Variants in CDH7 observed in about 807,000 individuals in gnomAD.
CDH7 encodes the protein cadherin-7.
In CDH7, 25 loss-of-function variants were observed where a neutral mutation model predicts 71.8. That is an observed-to-expected ratio of 0.35 (90% CI 0.25 to 0.49). The LOEUF (loss-of-function observed/expected upper bound fraction) is 0.49, where lower values mean the gene tolerates loss of function less well. Among genes scored for constraint, CDH7 ranks in the 20% least tolerant of loss-of-function variants. The probability of loss-of-function intolerance (pLI) is 0.99; values close to 1 mark genes in which losing one functional copy is unlikely to be tolerated. For missense variants in CDH7, 862 were observed against 974.6 expected, an observed-to-expected ratio of 0.88 and a Z score of 1.54; for synonymous variants, 381 against 363.8, an observed-to-expected ratio of 1.05 and a Z score of -0.54.
chr18:65,865,988 A>T (rs1599062333), intron 11 of CDH7: 1 of 152,088 alleles, frequency 6.6e-6, no homozygotes, highest in African/African-American at 2.4e-5. Context: ...AAGAACTTGA[A>T]AATCAAGTTC....
rs1159519633 is a variant in CDH7, at chr18:65,887,664, G to A, written c.*6770G>A. 5 of 152,060 alleles carry A rather than the reference G, an allele frequency of 3.3e-5. No homozygotes were observed. Among genetic ancestry groups the A allele is most frequent in the Non-Finnish European group, 5.9e-5 (4 of 68,014 alleles). The allele number at this position is 152,060 out of a possible 1,614,324, so 9.4% of individuals were successfully genotyped here. On this transcript the variant is annotated 3_prime_UTR_variant, in exon 12 of 12. Transcript: ENST00000397968. ...TGCAGGAACACACACAATTTGAGGC[G>A]AAATGTTGAAGTAAAGTAAATGACT...
chr18:65,854,392 A>G (rs75383405), intron 7 of CDH7, among the ~76,000 whole-genome samples: 8,120 of 152,250 alleles, frequency 0.053, 283 homozygotes, highest in South Asian at 0.14. Context: ...TTTGTTGCCC[A>G]TGTTTTTTCA....
chr18:65,805,589 C>T (rs1911286807), intron 2 of CDH7, among the ~76,000 whole-genome samples: 1 of 152,178 alleles, frequency 6.6e-6, no homozygotes, highest in Non-Finnish European at 1.5e-5. Flanking sequence ...GAGTTGAATT[C>T]TCAGCAAAGA....
At chr18:65,858,389 TGCATATTTGC>T (rs1913440354) in intron 8 of CDH7, among the ~76,000 whole-genome samples, 1 of 151,986 alleles carries the variant, frequency 6.6e-6, no homozygotes, top group East Asian at 1.9e-4. Flanking sequence ...GAAAAATGAA[TGCATATTTGC>T]ATGCATATAT....
intron 9 of CDH7, 129 bp downstream of exon 9, chr18:65,859,175 T>A (rs1913472768): frequency 1.2e-6 from 1 of 811,656 alleles, no homozygotes; most frequent in Non-Finnish European, 2.0e-6. Flanking sequence ...AACTAACACT[T>A]TGATGTGTAG....
intron 7 of CDH7, among the ~76,000 whole-genome samples, chr18:65,854,940 C>T (rs1947998): frequency 4.2e-4 from 26 of 61,958 alleles, no homozygotes; most frequent in African/African-American, 7.7e-4. Context: ...TATACACACA[C>T]ATATATATAC....
chr18:65,836,710 A>G (rs1419309147), intron 6 of CDH7, among the ~76,000 whole-genome samples: 1 of 151,954 alleles, frequency 6.6e-6, no homozygotes, highest in Admixed American at 6.6e-5. Context: ...AATGACTGTC[A>G]TAAAAGTATA....
In CDH7 at chr18:65,811,966, C is replaced by CTTTTTTTTTTTTT. The variant is rs57594274; in HGVS notation, c.505+1975_505+1987dup. On this transcript the variant is annotated intron_variant, in intron 3 of 11. Coordinates refer to ENST00000397968, the MANE Select transcript of CDH7 (RefSeq NM_004361.5). The stretch of plus-strand genomic sequence containing the variant: ...ATCACAGTACCTTTTCTTTTCTTTT[C>CTTTTTTTTTTTTT]TTTTTTTTTTTTTTTTTTTGCGAGA... Among the ~76,000 whole-genome samples, 406 of 95,826 alleles carry CTTTTTTTTTTTTT rather than the reference C, an allele frequency of 4.2e-3. 5 individuals are homozygous for CTTTTTTTTTTTTT. The highest frequency in any genetic ancestry group is 0.018 in the Middle Eastern group (2 of 114). 62.9% of individuals were successfully genotyped at this position (95,826 alleles called of 152,430 possible). A position where few individuals can be genotyped will look rare whatever the true frequency, so the allele number is the denominator to read the frequency against.
At chr18:65,766,641 C>T (rs1331670876) in intron 2 of CDH7, among the ~76,000 whole-genome samples, 3 of 151,830 alleles carry the variant, frequency 2.0e-5, no homozygotes, top group Non-Finnish European at 2.9e-5. Context: ...ATAATAGTGC[C>T]CCTTTCCTTA....
intron 6 of CDH7, among the ~76,000 whole-genome samples, chr18:65,825,536 A>T (rs1302182559): frequency 6.6e-6 from 1 of 151,872 alleles, no homozygotes; most frequent in African/African-American, 2.4e-5. Context: ...AAAAATAATA[A>T]CTCAAAAGCT....
intron 1 of CDH7, among the ~76,000 whole-genome samples, chr18:65,758,761 G>A (rs1237195291): frequency 6.6e-6 from 1 of 152,168 alleles, no homozygotes; most frequent in African/African-American, 2.4e-5. Context: ...ACTTACCAAG[G>A]AATTTGTATC....
At chr18:65,781,140 A>C (rs1056900673) in intron 2 of CDH7, among the ~76,000 whole-genome samples, 10 of 152,074 alleles carry the variant, frequency 6.6e-5, no homozygotes, top group African/African-American at 2.4e-4. Context: ...TTTAGGAGAA[A>C]CATCTGGCAG....
In CDH7 at chr18:65,880,279, C is replaced by T. The variant is rs1458448452; in HGVS notation, c.1865-122C>T. 4 of 983,320 alleles carry T rather than the reference C, an allele frequency of 4.1e-6. No individual in the cohort carries two copies. In the African/African-American group the frequency reaches 6.5e-5, roughly 16 times the overall value. The allele number at this position is 983,320 out of a possible 1,614,324, so 60.9% of individuals were successfully genotyped here. A position where few individuals can be genotyped will look rare whatever the true frequency, so the allele number is the denominator to read the frequency against. ...TGTGAATCCTTGTGGAAGTAGGTGG[C>T]CAATTCATTTCTCTTTAAAGGGAAG... On this transcript the variant is annotated intron_variant, in intron 11 of 11. Coordinates refer to ENST00000397968, the MANE Select transcript of CDH7 (RefSeq NM_004361.5).
chr18:65,878,615 T>A (rs1181135940), intron 11 of CDH7, among the ~76,000 whole-genome samples: 1 of 152,138 alleles, frequency 6.6e-6, no homozygotes, highest in Non-Finnish European at 1.5e-5. Flanking sequence ...CAGAAAGATA[T>A]ACAAGCAGTA....
intron 2 of CDH7, among the ~76,000 whole-genome samples, chr18:65,781,934 C>T (rs1280057189): frequency 4.2e-5 from 5 of 117,756 alleles, no homozygotes; most frequent in African/African-American, 1.8e-4. Context: ...CTCTCTCTCT[C>T]TCTCTCTCTC....
rs1568225029 is a variant in CDH7 at position 65,859,773 on chromosome 18, CTTA to C, written c.1561_1563del (p.Leu521del). ...CCAATGGACACCAGTTTTACTTCAG[CTTA>C]ACAACGGATGCAACAAATAACCACA... On this transcript the variant is annotated inframe_deletion, in exon 10 of 12. Coordinates refer to ENST00000397968, the MANE Select transcript of CDH7 (RefSeq NM_004361.5). 1 of 1,611,734 alleles carries C rather than the reference CTTA, an allele frequency of 6.2e-7. No homozygotes were observed. The highest frequency in any genetic ancestry group is 8.5e-7 in the Non-Finnish European group (1 of 1,177,958).
intron 2 of CDH7, among the ~76,000 whole-genome samples, chr18:65,797,063 G>A (rs901575567): frequency 2.6e-5 from 4 of 152,058 alleles, no homozygotes; most frequent in Admixed American, 1.3e-4. Context: ...CCTCAGTTCC[G>A]TGATGTGGTC....
chr18:65,861,099 G>C (rs1345599830), intron 10 of CDH7, among the ~76,000 whole-genome samples: 2 of 152,134 alleles, frequency 1.3e-5, no homozygotes. Flanking sequence ...CATGATTGCT[G>C]TACAGCACGT....
intron 2 of CDH7, among the ~76,000 whole-genome samples, chr18:65,807,780 G>A (rs1158933829): frequency 1.3e-5 from 2 of 152,180 alleles, no homozygotes; most frequent in African/African-American, 4.8e-5. Context: ...TGGCAAGAAG[G>A]AACCCTTCTC....
Sources: gnomAD v4.1 joint callset for allele counts (sites outside exome capture counted in the v4.1 genomes callset) on GRCh38, gnomAD v4.1.1 for gene constraint, MANE v1.5 for transcripts, NCBI Gene and HGNC (gene_info 2026-07-23, HGNC 2026-07-21) for gene names.